The following ST8SIA4 variants were observed in gnomAD, a reference collection of about 807,000 sequenced individuals.
ST8SIA4 encodes ST8 alpha-N-acetyl-neuraminide alpha-2,8-sialyltransferase 4.
In ST8SIA4, 15 loss-of-function variants were observed where a neutral mutation model predicts 33.9. The observed-to-expected ratio is 0.44, with a 90% CI of 0.30 to 0.68. ST8SIA4 has a LOEUF of 0.68. Among genes scored for constraint, ST8SIA4 ranks in the 30% least tolerant of loss-of-function variants. ST8SIA4 has a pLI of 0.10. For synonymous variants in ST8SIA4, 171 were observed against 151.2 expected (o/e 1.13, Z -0.96); for missense variants, 321 against 428.0 (o/e 0.75, Z 2.21).
rs1020834128 is a variant in ST8SIA4 at position 100,808,872 on chromosome 5, G to C, written c.*2975C>G. The C allele has an allele frequency of 2.0e-5, 3 of 152,572 alleles. No individual in the cohort carries two copies. Among genetic ancestry groups the C allele is most frequent in the Non-Finnish European group, 2.9e-5 (2 of 68,028 alleles). The allele number at this position is 152,572 out of a possible 1,614,324, so 9.5% of individuals were successfully genotyped here. A position where few individuals can be genotyped will look rare whatever the true frequency, so the allele number is the denominator to read the frequency against. On this transcript the variant is annotated 3_prime_UTR_variant, in exon 5 of 5. Coordinates refer to ENST00000231461, the MANE Select transcript of ST8SIA4 (RefSeq NM_005668.6). ...TGGGCTTGTACAGTTTGTCTTCTTT[G>C]AACCCTAAATACCTTTAACTGAATT... is the stretch of plus-strand genomic sequence containing the variant.
chr5:100,854,922 G>A (rs906240366), intron 4 of ST8SIA4, among the ~76,000 whole-genome samples: 1 of 152,118 alleles, frequency 6.6e-6, no homozygotes, highest in Non-Finnish European at 1.5e-5. Context: ...AAGCCTAATT[G>A]GTTTTTGTGC....
At chr5:100,813,458 T>G (rs1750853247) in intron 4 of ST8SIA4, among the ~76,000 whole-genome samples, 1 of 152,092 alleles carries the variant, frequency 6.6e-6, no homozygotes. Flanking sequence ...AACTCTTTAT[T>G]ATCACAATTG....
chr5:100,837,838 G>A (rs1455352516), intron 4 of ST8SIA4, among the ~76,000 whole-genome samples: 1 of 151,934 alleles, frequency 6.6e-6, no homozygotes, highest in African/African-American at 2.4e-5. Context: ...CATGCCGAAA[G>A]ATGTATATTT....
intron 4 of ST8SIA4, among the ~76,000 whole-genome samples, chr5:100,854,189 G>A (rs760391441): frequency 2.6e-5 from 4 of 151,320 alleles, no homozygotes; most frequent in Admixed American, 6.6e-5. Context: ...AAAAAAAGGC[G>A]GTGACTTACT....
intron 4 of ST8SIA4, among the ~76,000 whole-genome samples, chr5:100,843,136 C>A (rs986820687): frequency 1.3e-5 from 2 of 151,776 alleles, no homozygotes; most frequent in African/African-American, 4.8e-5. Context: ...TTTATTATAT[C>A]ATCACTTTAT....
intron 3 of ST8SIA4, among the ~76,000 whole-genome samples, chr5:100,871,960 T>A (rs932570967): frequency 6.6e-6 from 1 of 152,052 alleles, no homozygotes; most frequent in African/African-American, 2.4e-5. Flanking sequence ...CTCTTCTTAG[T>A]TCTGTATTTT....
chr5:100,815,460 C>T (rs1277055323), intron 4 of ST8SIA4, among the ~76,000 whole-genome samples: 4 of 151,392 alleles, frequency 2.6e-5, no homozygotes, highest in Non-Finnish European at 4.4e-5. Context: ...TTTCTTCCTT[C>T]TTTCCTTCCC....
Position 100,903,045 on chromosome 5 carries a change from G to T in ST8SIA4, c.-90C>A. 1 of 918,192 alleles carries T rather than the reference G, an allele frequency of 1.1e-6. No individual in the cohort carries two copies. The highest frequency in any genetic ancestry group is 1.8e-6 in the Non-Finnish European group (1 of 569,648). 56.9% of individuals were successfully genotyped at this position (918,192 alleles called of 1,614,324 possible). On this transcript the variant is annotated 5_prime_UTR_variant, in exon 1 of 5. Transcript: ENST00000231461. ...GTTTTGGGGAGATAGTCGCGGGGGT[G>T]AAATCTGTAAAATGCGAGGAGAGCT...
intron 2 of ST8SIA4, among the ~76,000 whole-genome samples, chr5:100,889,957 G>A (rs1288973763): frequency 4.0e-5 from 6 of 151,762 alleles, no homozygotes; most frequent in South Asian, 2.1e-4. Flanking sequence ...CTTGGAATTC[G>A]ATATTTTACA....
At chr5:100,878,078 T>C (rs1336580563) in intron 3 of ST8SIA4, among the ~76,000 whole-genome samples, 1 of 152,142 alleles carries the variant, frequency 6.6e-6, no homozygotes, top group Admixed American at 6.5e-5. Context: ...TTCGGCTTGA[T>C]GGTTTGAAGG....
intron 3 of ST8SIA4, among the ~76,000 whole-genome samples, chr5:100,864,716 C>T (rs866841329): frequency 1.3e-5 from 2 of 151,836 alleles, no homozygotes; most frequent in Non-Finnish European, 2.9e-5. Flanking sequence ...AGTAGGTGTC[C>T]GGTAATCATT....
At chr5:100,851,988 TTAA>T (rs1751708608) in intron 4 of ST8SIA4, among the ~76,000 whole-genome samples, 1 of 151,884 alleles carries the variant, frequency 6.6e-6, no homozygotes, top group Non-Finnish European at 1.5e-5. Flanking sequence ...AAGTTGTATA[TTAA>T]TAATTTTCTT....
Position 100,810,492 on chromosome 5 carries a change from A to G in ST8SIA4, c.*1355T>C, listed in dbSNP as rs913125534. ...AAGAACTGGAAGTCACATTTCAGCT[A>G]TATCAATCTAATATTTATTCTAAAG... is the stretch of plus-strand genomic sequence containing the variant. On this transcript the variant is annotated 3_prime_UTR_variant, in exon 5 of 5. Transcript: ENST00000231461. 2 of 152,202 alleles carry G rather than the reference A, an allele frequency of 1.3e-5. No homozygotes were observed. Among genetic ancestry groups the G allele is most frequent in the Non-Finnish European group, 2.9e-5 (2 of 68,010 alleles). The allele number at this position is 152,202 out of a possible 1,614,324, so 9.4% of individuals were successfully genotyped here. A position where few individuals can be genotyped will look rare whatever the true frequency, so the allele number is the denominator to read the frequency against.
chr5:100,895,553 C>A, intron 2 of ST8SIA4, 101 bp downstream of exon 2: 1 of 1,118,182 alleles, frequency 8.9e-7, no homozygotes, highest in Non-Finnish European at 1.3e-6. Context: ...TTTAAGTATT[C>A]ATACTTAAAC....
At chr5:100,819,158 T>G in intron 4 of ST8SIA4, among the ~76,000 whole-genome samples, 1 of 152,208 alleles carries the variant, frequency 6.6e-6, no homozygotes, top group Non-Finnish European at 1.5e-5. Flanking sequence ...TCATAGAGGA[T>G]GCAGTTGTGG....
In ST8SIA4 at chr5:100,888,515, C is replaced by G. The variant is rs1039861134; in HGVS notation, c.246-1915G>C. 4.6e-4 allele frequency among the ~76,000 whole-genome samples: 70 copies of G among 151,858 alleles called. 1 individual carries two copies. Among genetic ancestry groups the G allele is most frequent in the Admixed American group, 2.0e-4 (3 of 15,206 alleles). On this transcript the variant is annotated intron_variant, in intron 2 of 4. Transcript: ENST00000231461. ...ATTGGATATTATTTACTAAAGTGCT[C>G]TTAGTGCAAGCTTGTATTTTCAAAG...
intron 4 of ST8SIA4, among the ~76,000 whole-genome samples, chr5:100,815,818 T>G (rs1359416591): frequency 6.6e-6 from 1 of 152,192 alleles, no homozygotes; most frequent in African/African-American, 2.4e-5. Context: ...TTCACTTCTT[T>G]GGAGCCCAGT....
chr5:100,851,441 T>C (rs1041041927), intron 4 of ST8SIA4, among the ~76,000 whole-genome samples: 3 of 151,956 alleles, frequency 2.0e-5, no homozygotes, highest in Non-Finnish European at 2.9e-5. Flanking sequence ...ACTACAAATG[T>C]CCATCAAACA....
chr5:100,835,505 C>T (rs1417177572), intron 4 of ST8SIA4, among the ~76,000 whole-genome samples: 1 of 152,042 alleles, frequency 6.6e-6, no homozygotes, highest in African/African-American at 2.4e-5. Flanking sequence ...AAGTTAACTT[C>T]TTACAGTATT....
Sources: allele counts gnomAD v4.1 joint callset (sites outside exome capture counted in the v4.1 genomes callset), GRCh38; gene constraint gnomAD v4.1.1; transcripts MANE v1.5; gene names NCBI Gene and HGNC (gene_info 2026-07-23, HGNC 2026-07-21).